The following TDRD9 variants were observed in gnomAD, a reference collection of about 807,000 sequenced individuals.
TDRD9 encodes the protein tudor domain containing 9.
A neutral mutation model predicts 172.6 loss-of-function variants in TDRD9; 124 were observed. The ratio of observed to expected loss-of-function variants is 0.72; its 90% CI spans 0.62 to 0.83. The LOEUF (loss-of-function observed/expected upper bound fraction) is 0.83. Ranked by LOEUF, TDRD9 falls within the 40% of genes least tolerant of loss-of-function variation. The pLI, the probability that TDRD9 is intolerant of heterozygous loss-of-function variation, is 0.00. For synonymous variants in TDRD9, 619 were observed against 617.1 expected (o/e 1.00, Z -0.05); for missense variants, 1,479 against 1,714.1 (o/e 0.86, Z 2.42).
intron 12 of TDRD9, among the ~76,000 whole-genome samples, chr14:103,996,044 G>A (rs1220474129): frequency 2.0e-5 from 3 of 152,196 alleles, no homozygotes; most frequent in Non-Finnish European, 4.4e-5. Context: ...TGTTTGGGGT[G>A]TTCCACTGGG....
At chr14:103,968,628 C>T (rs2032860387) in intron 5 of TDRD9, among the ~76,000 whole-genome samples, 1 of 149,188 alleles carries the variant, frequency 6.7e-6, no homozygotes. Context: ...AACCCCATCT[C>T]TACTAAAAAT....
chr14:104,018,219 A>T (rs2034851210), intron 23 of TDRD9, 27 bp downstream of exon 23: 1 of 1,335,894 alleles, frequency 7.5e-7, no homozygotes. Context: ...AATCAACTGC[A>T]ATTATGAAGG....
intron 1 of TDRD9, among the ~76,000 whole-genome samples, chr14:103,936,547 T>G (rs74660402): frequency 6.6e-6 from 1 of 152,308 alleles, no homozygotes; most frequent in African/African-American, 2.4e-5. Flanking sequence ...TGTATCAGAG[T>G]GTGTATATGG....
chr14:104,014,592 C>T (rs2034725787), intron 20 of TDRD9, 133 bp from the exon 21 acceptor site: 2 of 521,812 alleles, frequency 3.8e-6, no homozygotes, highest in Non-Finnish European at 6.9e-6. Flanking sequence ...AAAGATGATT[C>T]TTAATTAGCT....
intron 12 of TDRD9, among the ~76,000 whole-genome samples, chr14:103,996,478 AATG>A (rs2034063986): frequency 6.6e-6 from 1 of 152,164 alleles, no homozygotes; most frequent in Non-Finnish European, 1.5e-5. Flanking sequence ...TATTGGGAAA[AATG>A]ATCTTTCAGA....
intron 29 of TDRD9, 41 bp from the exon 30 acceptor site, chr14:104,031,976 T>C (rs752583029): frequency 2.2e-6 from 3 of 1,374,664 alleles, no homozygotes; most frequent in East Asian, 2.5e-5. Context: ...TTAAGTGTTA[T>C]CTTGCTTATT....
At chr14:104,051,092 T>C (rs1418852695) in intron 35 of TDRD9, among the ~76,000 whole-genome samples, 2 of 152,170 alleles carry the variant, frequency 1.3e-5, no homozygotes, top group Admixed American at 1.3e-4. Context: ...TAGTACCCAA[T>C]AGGTAGCTTT....
chr14:103,949,918 C>T (rs376614251), intron 1 of TDRD9, among the ~76,000 whole-genome samples: 5 of 152,102 alleles, frequency 3.3e-5, no homozygotes, highest in Non-Finnish European at 5.9e-5. Context: ...TCAGGTGATC[C>T]GCCCGCCTCG....
At chr14:104,045,140 T>C (rs2035729093) in intron 34 of TDRD9, among the ~76,000 whole-genome samples, 1 of 131,778 alleles carries the variant, frequency 7.6e-6, no homozygotes, top group African/African-American at 2.8e-5. Context: ...CGAAACTCTA[T>C]CAGGAAAAAA....
rs1287844105 is a variant in TDRD9 at position 104,006,458 on chromosome 14, G to A, written c.1783G>A (p.Gly595Arg). 1.2e-6 allele frequency: 2 copies of A among 1,613,870 alleles called. No homozygotes were observed. The highest frequency in any genetic ancestry group is 4.5e-5 in the East Asian group (2 of 44,864). The change falls in exon 16 of 36, where the codon GGA (glycine) becomes AGA (arginine). Residue 595 changes from glycine to arginine, a missense_variant. Transcript: ENST00000409874. ...CCATGATGGTGAATTGACCTTCTTA[G>A]GAAGAGTTTTAGCCCAACTTCCTGT... is the stretch of plus-strand genomic sequence containing the variant. Reference protein sequence around the residue: ...NPHDGELTFLGRVLAQLPVNQ... With the variant: ...NPHDGELTFLRRVLAQLPVNQ...
In TDRD9 at chr14:104,026,086, C is replaced by G; in HGVS notation, c.2971C>G (p.Leu991Val). The G allele has an allele frequency of 1.2e-6, 2 of 1,611,670 alleles. No individual in the cohort carries two copies. The highest frequency in any genetic ancestry group is 1.1e-5 in the South Asian group (1 of 91,004). ...TTATGGCAATAAGTCTCATGTAGAT[C>G]TACATCTTTTGATGGAGATTCCCTG... ...VDYGNKSHVD[L>V]HLLMEIPCQF... Residue 991 changes from leucine to valine, a missense_variant, in exon 27 of 36, where the codon CTA becomes GTA. Around this residue, in one of 3 missense-constraint regions of TDRD9, gnomAD observed 1,413 missense variants for 1,649.1 expected, o/e 0.86. Transcript: ENST00000409874.
chr14:103,955,053 G>A (rs1218406183), intron 1 of TDRD9, among the ~76,000 whole-genome samples: 1 of 151,940 alleles, frequency 6.6e-6, no homozygotes, highest in Non-Finnish European at 1.5e-5. Context: ...AGCCTGCTGA[G>A]TAGCTGGGAC....
intron 34 of TDRD9, among the ~76,000 whole-genome samples, chr14:104,045,999 C>T (rs1484165286): frequency 6.6e-6 from 1 of 152,238 alleles, no homozygotes; most frequent in Non-Finnish European, 1.5e-5. Context: ...CTCTGTCGCC[C>T]AGGCTGGAGT....
intron 34 of TDRD9, among the ~76,000 whole-genome samples, chr14:104,047,964 G>C (rs143421129): frequency 8.1e-4 from 123 of 152,250 alleles, no homozygotes; most frequent in African/African-American, 2.8e-3. Context: ...TGAGGTCTTT[G>C]AGTGCTGAAC....
chr14:103,938,425 T>C, intron 1 of TDRD9, among the ~76,000 whole-genome samples: 1 of 52,532 alleles, frequency 1.9e-5, no homozygotes, highest in Non-Finnish European at 3.7e-5. Flanking sequence ...TATATATATA[T>C]ATATATATAT....
intron 1 of TDRD9, among the ~76,000 whole-genome samples, chr14:103,944,373 T>C (rs947578636): frequency 1.3e-5 from 2 of 152,232 alleles, no homozygotes; most frequent in Non-Finnish European, 2.9e-5. Context: ...GTGTTTTTCA[T>C]GTATCCACAT....
At chr14:104,003,832 T>G (rs781578271) in intron 13 of TDRD9, among the ~76,000 whole-genome samples, 1 of 152,166 alleles carries the variant, frequency 6.6e-6, no homozygotes, top group Non-Finnish European at 1.5e-5. Flanking sequence ...CTGAGACAGC[T>G]CCTCGATGGC....
chr14:103,999,108 T>TA (rs1566771281), intron 13 of TDRD9, among the ~76,000 whole-genome samples: 1 of 152,346 alleles, frequency 6.6e-6, no homozygotes, highest in East Asian at 1.9e-4. Context: ...GATGCTTTTC[T>TA]AAAAAATTCA....
intron 1 of TDRD9, among the ~76,000 whole-genome samples, chr14:103,954,637 TA>T (rs1595910560): frequency 6.6e-6 from 1 of 152,098 alleles, no homozygotes; most frequent in African/African-American, 2.4e-5. Context: ...TTATTTGATT[TA>T]TTTTTTTTGA....
Sources: gnomAD v4.1 joint callset for allele counts (sites outside exome capture counted in the v4.1 genomes callset) on GRCh38, gnomAD v4.1.1 for gene constraint, gnomAD v4.1.1 regional missense constraint, MANE v1.5 for transcripts, NCBI Gene and HGNC (gene_info 2026-07-23, HGNC 2026-07-21) for gene names.